PTPRD: variants seen among roughly 807,000 people sequenced by gnomAD.
PTPRD encodes the protein receptor-type tyrosine-protein phosphatase delta.
A neutral mutation model predicts 214.5 loss-of-function variants in PTPRD; 34 were observed. The ratio of observed to expected loss-of-function variants is 0.16; its 90% CI spans 0.12 to 0.21. PTPRD has a LOEUF of 0.21. Among genes scored for constraint, PTPRD ranks in the 10% least tolerant of loss-of-function variants. The probability of loss-of-function intolerance (pLI) is 1.00; values close to 1 mark genes in which losing one functional copy is unlikely to be tolerated. For synonymous variants in PTPRD, 1,128 were observed against 845.7 expected (o/e 1.33, Z -5.79); for missense variants, 2,545 against 2,398.7 (o/e 1.06, Z -1.27).
intron 5 of PTPRD, among the ~76,000 whole-genome samples, chr9:9,806,821 T>C (rs936688772): frequency 2.6e-5 from 4 of 152,084 alleles, no homozygotes; most frequent in African/African-American, 9.7e-5. Context: ...GTATCTGACC[T>C]ACCTCTAGGA....
intron 10 of PTPRD, among the ~76,000 whole-genome samples, chr9:9,046,002 T>C (rs1168430081): frequency 6.6e-6 from 1 of 152,186 alleles, no homozygotes; most frequent in Non-Finnish European, 1.5e-5. Flanking sequence ...GTTTTGTTTG[T>C]TATGTGCTAG....
chr9:8,404,646 G>T lies in PTPRD; in HGVS notation c.4101C>A (p.Gly1367=). Residue 1367 remains glycine (G), a synonymous_variant, in exon 36 of 46, where the codon GGC becomes GGA. Coordinates refer to ENST00000381196, the MANE Select transcript of PTPRD (RefSeq NM_002839.4). Reference sequence around the variant, plus strand: ...TTGAATGTTCCCAAGTGAACTGCTGGCCAGGGTCAATTGACTTTAAAAGGA... The same window carrying T: ...TTGAATGTTCCCAAGTGAACTGCTGTCCAGGGTCAATTGACTTTAAAAGGA... ...FSQEYESIDP[G]QQFTWEHSNL... 6.2e-7 allele frequency: 1 copy of T among 1,610,448 alleles called. No homozygotes were observed. The highest frequency in any genetic ancestry group is 8.5e-7 in the Non-Finnish European group (1 of 1,177,452).
intron 2 of PTPRD, among the ~76,000 whole-genome samples, chr9:10,466,882 T>C (rs1310291268): frequency 1.3e-5 from 2 of 152,144 alleles, no homozygotes; most frequent in Non-Finnish European, 1.5e-5. Context: ...TTTAAAATAA[T>C]TTTCAGACTG....
chr9:8,753,593 G>A (rs2093719915), intron 11 of PTPRD, among the ~76,000 whole-genome samples: 1 of 151,908 alleles, frequency 6.6e-6, no homozygotes, highest in Non-Finnish European at 1.5e-5. Context: ...GAAAAAGTGA[G>A]GAGACATGAT....
chr9:10,495,697 A>T (rs1312977839), intron 2 of PTPRD, among the ~76,000 whole-genome samples: 2 of 151,880 alleles, frequency 1.3e-5, no homozygotes, highest in Non-Finnish European at 2.9e-5. Flanking sequence ...AAACATAGAG[A>T]CTGTATGAAA....
rs1326251912 is a variant in PTPRD, at chr9:8,497,252, G to A, written c.2339C>T (p.Thr780Ile). 1.1e-5 allele frequency: 17 copies of A among 1,594,514 alleles called. No individual in the cohort carries two copies. Among genetic ancestry groups the A allele is most frequent in the Non-Finnish European group, 1.4e-5 (17 of 1,173,142 alleles). The change falls in exon 26 of 46, where the codon ACT becomes ATT. Residue 780 changes from threonine (T) to isoleucine (I), a missense_variant. Coordinates refer to ENST00000381196, the MANE Select transcript of PTPRD (RefSeq NM_002839.4). ...TCAAAAATTACTCACATGTTCAGTAGTATCATCAAATTCCCACTGATTGAG... is the reference window on the plus strand; with the variant it reads ...TCAAAAATTACTCACATGTTCAGTAATATCATCAAATTCCCACTGATTGAG... ...LADAQWEFDD[T>I]TEHDMIISGL...
chr9:10,245,765 G>A (rs910074794), intron 3 of PTPRD, among the ~76,000 whole-genome samples: 1 of 152,116 alleles, frequency 6.6e-6, no homozygotes, highest in Non-Finnish European at 1.5e-5. Context: ...AGACAGATGT[G>A]GCAGGGAGAG....
chr9:10,321,829 C>T (rs1275808663), intron 3 of PTPRD, among the ~76,000 whole-genome samples: 2 of 151,940 alleles, frequency 1.3e-5, no homozygotes, highest in Non-Finnish European at 2.9e-5. Context: ...AAAAACATTA[C>T]TGAATATCAT....
intron 3 of PTPRD, among the ~76,000 whole-genome samples, chr9:10,114,867 G>C (rs1020892224): frequency 1.3e-5 from 2 of 151,790 alleles, no homozygotes; most frequent in African/African-American, 4.8e-5. Context: ...TTCTACTTTA[G>C]AATATCAATA....
chr9:10,504,409 T>C (rs2045171920), intron 2 of PTPRD, among the ~76,000 whole-genome samples: 1 of 152,106 alleles, frequency 6.6e-6, no homozygotes, highest in African/African-American at 2.4e-5. Context: ...TAGGCTTCTG[T>C]ATAGACTTAA....
rs915946387 is a variant in PTPRD at position 9,783,709 on chromosome 9, C to G, written c.-367-16858G>C. ...CTTCTTTTGCCAGTTCCTCCCCTCC[C>G]AAGCCTTATTTTAATATATCTTGCC... is the stretch of plus-strand genomic sequence containing the variant. On this transcript the variant is annotated intron_variant, in intron 5 of 45. Transcript: ENST00000381196. Among the ~76,000 whole-genome samples the G allele has an allele frequency of 1.5e-4, 23 of 152,132 alleles. 1 individual carries two copies. The East Asian group carries it at 4.4e-3, about 29-fold the overall frequency.
At chr9:9,893,521 T>G (rs2074052644) in intron 5 of PTPRD, among the ~76,000 whole-genome samples, 1 of 152,132 alleles carries the variant, frequency 6.6e-6, no homozygotes, top group Non-Finnish European at 1.5e-5. Context: ...CTATAAAAAC[T>G]ATATGTAGGA....
rs1491465404 is a variant in PTPRD, at chr9:9,275,199, T to TATATATA, written c.-202-91837_-202-91836insTATATAT. Among the ~76,000 whole-genome samples, 69 of 10,390 alleles carry TATATATA rather than the reference T, an allele frequency of 6.6e-3. 2 individuals carry two copies. Among genetic ancestry groups the TATATATA allele is most frequent in the African/African-American group, 0.014 (58 of 4,094 alleles). 6.8% of individuals were successfully genotyped at this position (10,390 alleles called of 152,430 possible). On this transcript the variant is annotated intron_variant, in intron 9 of 45. Transcript: ENST00000381196. ...AATATATATGTTATATATATATATA[T>TATATATA]TATATATATATATATATAACCATTA...
intron 3 of PTPRD, among the ~76,000 whole-genome samples, chr9:10,077,723 A>T (rs1480598477): frequency 6.6e-6 from 1 of 151,934 alleles, no homozygotes; most frequent in South Asian, 2.1e-4. Context: ...TTTAGCTCCC[A>T]CTTAATAAGT....
chr9:9,664,665 C>G (rs1461108373), intron 7 of PTPRD, among the ~76,000 whole-genome samples: 1 of 151,632 alleles, frequency 6.6e-6, no homozygotes, highest in Non-Finnish European at 1.5e-5. Context: ...TAAATTGTAT[C>G]CTTAATGCAT....
intron 7 of PTPRD, among the ~76,000 whole-genome samples, chr9:9,640,932 G>C (rs558017398): frequency 1.3e-5 from 2 of 152,376 alleles, no homozygotes; most frequent in African/African-American, 4.8e-5. Context: ...GATCTGGTCA[G>C]AGTCAACGTA....
At chr9:8,439,218 G>A (rs1364025605) in intron 34 of PTPRD, among the ~76,000 whole-genome samples, 2 of 152,124 alleles carry the variant, frequency 1.3e-5, no homozygotes, top group African/African-American at 4.8e-5. Context: ...TACTGGACAT[G>A]GGTTCTACTT....
chr9:9,216,901 T>C (rs934619688), intron 9 of PTPRD, among the ~76,000 whole-genome samples: 1 of 152,142 alleles, frequency 6.6e-6, no homozygotes, highest in Non-Finnish European at 1.5e-5. Flanking sequence ...TTACCAACAT[T>C]TATTGTTTTT....
intron 5 of PTPRD, among the ~76,000 whole-genome samples, chr9:9,913,329 G>A (rs999990222): frequency 6.6e-6 from 1 of 151,968 alleles, no homozygotes; most frequent in Admixed American, 6.6e-5. Context: ...ATTTCCCAAA[G>A]TAAAAGAATA....
Sources: gnomAD v4.1 joint callset for allele counts (sites outside exome capture counted in the v4.1 genomes callset) on GRCh38, gnomAD v4.1.1 for gene constraint, MANE v1.5 for transcripts, NCBI Gene and HGNC (gene_info 2026-07-23, HGNC 2026-07-21) for gene names.